The following RPGRIP1L variants were observed in gnomAD, a reference collection of about 807,000 sequenced individuals.
The protein encoded by RPGRIP1L is RPGRIP1 like.
Under a neutral mutation model 160.4 loss-of-function variants are expected in RPGRIP1L, and 131 were observed. That is an observed-to-expected ratio of 0.82 (90% CI 0.71 to 0.94). The LOEUF is 0.94. Ranked by LOEUF, RPGRIP1L falls within the 40% of genes least tolerant of loss-of-function variation. The pLI is 0.00. For missense variants in RPGRIP1L, 1,522 were observed against 1,535.8 expected (o/e 0.99, Z 0.15); for synonymous variants, 510 against 515.8 (o/e 0.99, Z 0.15).
intron 22 of RPGRIP1L, among the ~76,000 whole-genome samples, chr16:53,629,230 T>C (rs990860544): frequency 6.6e-6 from 1 of 152,190 alleles, no homozygotes; most frequent in Non-Finnish European, 1.5e-5. Flanking sequence ...AGGTGGAGCC[T>C]GGGCCCTGGC....
chr16:53,645,947 G>T lies in RPGRIP1L; in HGVS notation c.2361C>A (p.Gly787=), dbSNP rs1481436139. The T allele has an allele frequency of 1.2e-5, 19 of 1,614,068 alleles. No homozygotes were observed. The highest frequency in any genetic ancestry group is 1.5e-5 in the Non-Finnish European group (18 of 1,179,978). The part of the protein sequence containing the change: ...AQLSSTDSTD[G]NLNELHITIR... ...TTGTAATGTGAAGTTCATTTAAGTT[G>T]CCATCTGTGGAATCTGTAGAACTGA... The change falls in exon 17 of 27, where the codon GGC becomes GGA. Residue 787 remains glycine, a synonymous_variant. Transcript: ENST00000647211.
At chr16:53,636,581 A>C (rs1242378657) in intron 21 of RPGRIP1L, 69 bp from the exon 22 acceptor site, 4 of 1,058,676 alleles carry the variant, frequency 3.8e-6, no homozygotes, top group Non-Finnish European at 5.9e-6. Flanking sequence ...TGTAAAATAA[A>C]GAGAAACAAG....
At chr16:53,602,243 A>C in intron 26 of RPGRIP1L, 55 bp from the exon 27 acceptor site, 1 of 1,189,374 alleles carries the variant, frequency 8.4e-7, no homozygotes, top group Non-Finnish European at 1.3e-6. Flanking sequence ...TTTTCTTTGG[A>C]AAGGCTCGCA....
At chr16:53,645,526 A>C (rs1966484198) in intron 17 of RPGRIP1L, 99 bp downstream of exon 17, 1 of 1,094,924 alleles carries the variant, frequency 9.1e-7, no homozygotes, top group Non-Finnish European at 1.3e-6. Flanking sequence ...GACTGAGAAG[A>C]GGTTAGGGTG....
At chr16:53,672,804 T>C (rs532351455) in intron 8 of RPGRIP1L, 66 bp downstream of exon 8, 1 of 1,404,592 alleles carries the variant, frequency 7.1e-7, no homozygotes, top group Non-Finnish European at 1.0e-6. Context: ...ATCTCTATTT[T>C]ACTTTTTCAA....
At chr16:53,695,069 T>G (rs1970651410) in intron 3 of RPGRIP1L, 1 of 431,240 alleles carries the variant, frequency 2.3e-6, no homozygotes, top group Non-Finnish European at 4.1e-6. Context: ...TTAAACTACA[T>G]GGCTCATTAT....
At chr16:53,695,596 C>A in intron 3 of RPGRIP1L, 1 of 582,552 alleles carries the variant, frequency 1.7e-6, no homozygotes. Context: ...CTTAAGAAAT[C>A]ATTTTTGCCA....
At position 53,700,741 on chromosome 16, in the gene RPGRIP1L, A is replaced by G. The variant is rs572851567; in HGVS notation, c.-7-11T>C. 1 of 1,596,956 alleles carries G rather than the reference A, an allele frequency of 6.3e-7. No individual in the cohort carries two copies. The highest frequency in any genetic ancestry group is 1.1e-5 in the South Asian group (1 of 89,716). ...CCAGACATGGCCTAGCTGTGGAAAA[A>G]AGAAAATTCAAATAAACTCTTTCCA... is the stretch of plus-strand genomic sequence containing the variant. On this transcript the variant is annotated splice_polypyrimidine_tract_variant and intron_variant, in intron 1 of 26. Transcript: ENST00000647211.
chr16:53,621,484 G>A (rs552806215), intron 23 of RPGRIP1L, among the ~76,000 whole-genome samples: 5 of 126,706 alleles, frequency 3.9e-5, no homozygotes, highest in Non-Finnish European at 6.6e-5. Flanking sequence ...TCGATCAAAT[G>A]TCCTTTTTAA....
intron 14 of RPGRIP1L, among the ~76,000 whole-genome samples, chr16:53,654,695 T>C (rs1967098841): frequency 6.6e-6 from 1 of 152,198 alleles, no homozygotes; most frequent in African/African-American, 2.4e-5. Flanking sequence ...TAGGATGCAT[T>C]AGGGGCTTGA....
At position 53,625,537 on chromosome 16, in the gene RPGRIP1L, G is replaced by T. The variant is rs376685302; in HGVS notation, c.3295-3181C>A. 3.9e-4 allele frequency among the ~76,000 whole-genome samples: 58 copies of T among 147,082 alleles called. No homozygotes were observed. In the East Asian group the frequency reaches 8.1e-3, roughly 20 times the overall value. The stretch of plus-strand genomic sequence containing the variant: ...TAGGGGGTGAGGGGGGGGCGCCTCC[G>T]CCCGGCAGCCACCCCGTCTTGGGGG... On this transcript the variant is annotated intron_variant, in intron 22 of 26. Transcript: ENST00000647211.
chr16:53,612,349 A>G (rs572478647), intron 24 of RPGRIP1L, among the ~76,000 whole-genome samples: 2 of 152,320 alleles, frequency 1.3e-5, no homozygotes, highest in South Asian at 4.1e-4. Context: ...ATAGAAATCA[A>G]TACAGATTCA....
At chr16:53,702,804 C>T (rs1014654205) in intron 1 of RPGRIP1L, among the ~76,000 whole-genome samples, 2 of 152,010 alleles carry the variant, frequency 1.3e-5, no homozygotes, top group Non-Finnish European at 2.9e-5. Flanking sequence ...ATGTGCGTGC[C>T]ACCAAGCATG....
In RPGRIP1L at chr16:53,657,489, C is replaced by T; in HGVS notation, c.1545G>A (p.Met515Ile). 1 of 1,612,834 alleles carries T rather than the reference C, an allele frequency of 6.2e-7. No homozygotes were observed. Among genetic ancestry groups the T allele is most frequent in the East Asian group, 2.2e-5 (1 of 44,764 alleles). The change falls in exon 13 of 27, where the codon ATG becomes ATA. Residue 515 changes from methionine (M) to isoleucine (I), a missense_variant. Coordinates refer to ENST00000647211, the MANE Select transcript of RPGRIP1L (RefSeq NM_015272.5). ...TATTAATTTTGTGTTGCATAATTAG[C>T]ATGTTTCTTGTCTTTTCCAGCTCTT... ...TVQELEKTRN[M>I]LIMQHKINKD...
chr16:53,616,275 T>C (rs957903684), intron 24 of RPGRIP1L, among the ~76,000 whole-genome samples: 5 of 152,228 alleles, frequency 3.3e-5, no homozygotes, highest in Admixed American at 2.0e-4. Flanking sequence ...GAGTGAATGG[T>C]AAATCATTAC....
At chr16:53,680,853 A>C (rs1022052210) in intron 6 of RPGRIP1L, among the ~76,000 whole-genome samples, 7 of 151,984 alleles carry the variant, frequency 4.6e-5, no homozygotes, top group African/African-American at 1.7e-4. Flanking sequence ...GAGAAGGAGA[A>C]ATAGGAGGGA....
chr16:53,605,428 T>C (rs757221852), intron 26 of RPGRIP1L, 53 bp downstream of exon 26: 11 of 1,607,754 alleles, frequency 6.8e-6, no homozygotes, highest in Non-Finnish European at 8.5e-6. Context: ...AATAAAGAGT[T>C]TGGAGTTCAG....
At chr16:53,695,382 C>T (rs1970678738) in intron 3 of RPGRIP1L, 1 of 702,876 alleles carries the variant, frequency 1.4e-6, no homozygotes, top group Admixed American at 2.0e-5. Flanking sequence ...TGAACTGGAA[C>T]CACCTCCTTA....
chr16:53,612,057 A>G (rs1430918010), intron 24 of RPGRIP1L, among the ~76,000 whole-genome samples: 2 of 152,224 alleles, frequency 1.3e-5, no homozygotes, highest in East Asian at 3.8e-4. Context: ...CCAAATTATG[A>G]TGCTATCAAC....
Sources: gnomAD v4.1 joint callset for allele counts (sites outside exome capture counted in the v4.1 genomes callset) on GRCh38, gnomAD v4.1.1 for gene constraint, MANE v1.5 for transcripts, NCBI Gene and HGNC (gene_info 2026-07-23, HGNC 2026-07-21) for gene names.